Variants in CDK5RAP2 observed in about 807,000 individuals in gnomAD.
CDK5RAP2 encodes CDK5 regulatory subunit-associated protein 2.
A neutral mutation model predicts 232.9 loss-of-function variants in CDK5RAP2; 147 were observed. That is an observed-to-expected ratio of 0.63 (90% confidence interval 0.55 to 0.72). The LOEUF (loss-of-function observed/expected upper bound fraction) is 0.72, where lower values mean the gene tolerates loss of function less well. CDK5RAP2 is among the 30% of genes least tolerant of loss of function. CDK5RAP2 has a pLI of 0.00. For missense variants in CDK5RAP2, 2,195 were observed against 2,231.5 expected (o/e 0.98, Z 0.33); for synonymous variants, 833 against 833.7 (o/e 1.00, Z 0.01).
chr9:120,479,488 A>G (rs536411141), intron 14 of CDK5RAP2, among the ~76,000 whole-genome samples: 17 of 152,356 alleles, frequency 1.1e-4, no homozygotes, highest in Admixed American at 3.3e-4. Context: ...TGATAAAGTT[A>G]TCAAAGTTAG....
At chr9:120,513,857 G>C (rs767277443) in intron 12 of CDK5RAP2, among the ~76,000 whole-genome samples, 5 of 152,204 alleles carry the variant, frequency 3.3e-5, no homozygotes, top group Non-Finnish European at 7.3e-5. Flanking sequence ...GTAGCAGCTG[G>C]TGAGTAGGAG....
intron 12 of CDK5RAP2, among the ~76,000 whole-genome samples, chr9:120,509,010 T>C (rs766533865): frequency 3.3e-5 from 5 of 152,188 alleles, no homozygotes; most frequent in African/African-American, 4.8e-5. Flanking sequence ...TTGTGCCCCA[T>C]GGAGATTACA....
chr9:120,520,222 G>C (rs2040552872), intron 11 of CDK5RAP2, among the ~76,000 whole-genome samples: 1 of 152,144 alleles, frequency 6.6e-6, no homozygotes, highest in Non-Finnish European at 1.5e-5. Context: ...CTCAACAAAT[G>C]TTCACAAACT....
At chr9:120,522,379 G>A (rs902676217) in intron 11 of CDK5RAP2, among the ~76,000 whole-genome samples, 2 of 152,160 alleles carry the variant, frequency 1.3e-5, no homozygotes, top group Admixed American at 1.3e-4. Context: ...TACATATACT[G>A]CCATGGCAAG....
At chr9:120,433,083 T>C (rs751423172) in intron 25 of CDK5RAP2, among the ~76,000 whole-genome samples, 9 of 152,202 alleles carry the variant, frequency 5.9e-5, no homozygotes, top group Non-Finnish European at 1.0e-4. Flanking sequence ...TCTAAGCTGC[T>C]GGGCCCTTCG....
intron 35 of CDK5RAP2, among the ~76,000 whole-genome samples, chr9:120,395,113 G>A (rs887342053): frequency 6.6e-6 from 1 of 152,108 alleles, no homozygotes; most frequent in South Asian, 2.1e-4. Flanking sequence ...TAAAAATGAC[G>A]TTGTAGAGCT....
At chr9:120,551,500 C>T (rs1346938161) in intron 3 of CDK5RAP2, among the ~76,000 whole-genome samples, 1 of 152,186 alleles carries the variant, frequency 6.6e-6, no homozygotes, top group Non-Finnish European at 1.5e-5. Context: ...TATTTTCCTC[C>T]TGAAATAAAT....
intron 36 of CDK5RAP2, 124 bp downstream of exon 36, chr9:120,394,388 G>C: frequency 1.4e-6 from 2 of 1,447,870 alleles, no homozygotes; most frequent in Non-Finnish European, 1.9e-6. Flanking sequence ...ATGAAAAGAA[G>C]CCCACAGATA....
chr9:120,548,104 C>A (rs2132040218), intron 4 of CDK5RAP2, among the ~76,000 whole-genome samples: 1 of 152,326 alleles, frequency 6.6e-6, no homozygotes, highest in Middle Eastern at 3.4e-3. Context: ...AGGTTATCTT[C>A]TTCACTGTCA....
At chr9:120,428,756 A>T (rs1187481700) in intron 25 of CDK5RAP2, among the ~76,000 whole-genome samples, 1 of 152,232 alleles carries the variant, frequency 6.6e-6, no homozygotes, top group Non-Finnish European at 1.5e-5. Context: ...AACTCATTTT[A>T]TGAGGCCAGC....
chr9:120,393,886 C>G (rs1002782495), intron 36 of CDK5RAP2, among the ~76,000 whole-genome samples: 1 of 152,164 alleles, frequency 6.6e-6, no homozygotes, highest in Non-Finnish European at 1.5e-5. Flanking sequence ...TCAGCCTCCC[C>G]CTCACTGGTG....
chr9:120,445,121 C>T (rs1271279495), intron 22 of CDK5RAP2, among the ~76,000 whole-genome samples: 1 of 152,206 alleles, frequency 6.6e-6, no homozygotes, highest in Admixed American at 6.5e-5. Flanking sequence ...CATCTCTCCC[C>T]ATCACTCTAA....
At chr9:120,508,952 C>T (rs2131769879) in intron 12 of CDK5RAP2, among the ~76,000 whole-genome samples, 1 of 152,282 alleles carries the variant, frequency 6.6e-6, no homozygotes, top group East Asian at 1.9e-4. Context: ...CAGAGCCTGG[C>T]ACAGAAATGA....
At chr9:120,470,286 T>A in intron 16 of CDK5RAP2, 66 bp from the exon 17 acceptor site, 1 of 756,766 alleles carries the variant, frequency 1.3e-6, no homozygotes. Context: ...AAACAGATCC[T>A]CCCAAGACTG....
chr9:120,425,919 C>G (rs193142469), intron 25 of CDK5RAP2, among the ~76,000 whole-genome samples: 44 of 152,216 alleles, frequency 2.9e-4, no homozygotes, highest in African/African-American at 1.0e-3. Flanking sequence ...GCACTACACA[C>G]TGTGATAAGG....
At chr9:120,562,812 T>C (rs1185187476) in intron 3 of CDK5RAP2, among the ~76,000 whole-genome samples, 2 of 152,102 alleles carry the variant, frequency 1.3e-5, no homozygotes, top group Admixed American at 6.6e-5. Context: ...TAGCAGGCAC[T>C]ATCCTAGCAT....
Position 120,453,385 on chromosome 9 carries a change from G to C in CDK5RAP2, c.2793+71C>G. 3 of 1,399,164 alleles carry C rather than the reference G, an allele frequency of 2.1e-6. No homozygotes were observed. In the East Asian group the frequency reaches 6.9e-5, roughly 32 times the overall value. 86.7% of individuals were successfully genotyped at this position (1,399,164 alleles called of 1,614,324 possible). A position where few individuals can be genotyped will look rare whatever the true frequency, so the allele number is the denominator to read the frequency against. On this transcript the variant is annotated intron_variant, in intron 21 of 37. Transcript: ENST00000349780. ...CATATAAATGGGAAAAAAGTGGTGA[G>C]ATTAAAGGTGATTTTTAAAGTTTTT...
At chr9:120,558,706 G>C (rs550195826) in intron 3 of CDK5RAP2, among the ~76,000 whole-genome samples, 1 of 152,200 alleles carries the variant, frequency 6.6e-6, no homozygotes, top group African/African-American at 2.4e-5. Flanking sequence ...AGGGTGGCTC[G>C]ATCTCATCCC....
At chr9:120,448,200 G>T in intron 21 of CDK5RAP2, 74 bp from the exon 22 acceptor site, 1 of 1,261,522 alleles carries the variant, frequency 7.9e-7, no homozygotes. Flanking sequence ...ACATTCTCAT[G>T]CCAGCCTTAT....
Sources: gnomAD v4.1 joint callset for allele counts (sites outside exome capture counted in the v4.1 genomes callset) on GRCh38, gnomAD v4.1.1 for gene constraint, MANE v1.5 for transcripts, NCBI Gene and HGNC (gene_info 2026-07-23, HGNC 2026-07-21) for gene names.